PCDHAC1: variants seen among roughly 807,000 people sequenced by gnomAD.
PCDHAC1 encodes protocadherin alpha-C1.
In PCDHAC1, 42 loss-of-function variants were observed where a neutral mutation model predicts 60.0. The observed-to-expected ratio is 0.70, with a 90% confidence interval of 0.55 to 0.90. The LOEUF (loss-of-function observed/expected upper bound fraction) is 0.90. Among genes scored for constraint, PCDHAC1 ranks in the 40% least tolerant of loss-of-function variants. PCDHAC1 has a pLI of 0.00. For missense variants in PCDHAC1, 1,160 were observed against 1,222.3 expected (o/e 0.95, Z 0.76); for synonymous variants, 468 against 499.3 (o/e 0.94, Z 0.84).
chr5:141,009,948 T>C lies in PCDHAC1; in HGVS notation c.*11T>C, dbSNP rs201131092. 1 of 1,595,948 alleles carries C rather than the reference T, an allele frequency of 6.3e-7. No individual in the cohort carries two copies. The highest frequency in any genetic ancestry group is 1.4e-5 in the African/African-American group (1 of 73,610). On this transcript the variant is annotated 3_prime_UTR_variant, in exon 4 of 4. Coordinates refer to ENST00000253807, the MANE Select transcript of PCDHAC1 (RefSeq NM_018898.5). ...AACAGTGACCAGTGAGGTCCTCAAA[T>C]GGAAACAAGCCACTTAGCCAGTTTT...
At chr5:141,005,032 T>A (rs1031521338) in intron 3 of PCDHAC1, among the ~76,000 whole-genome samples, 2 of 152,228 alleles carry the variant, frequency 1.3e-5, no homozygotes, top group Non-Finnish European at 2.9e-5. Context: ...TAATTGCCCA[T>A]ATGTGATACC....
intron 3 of PCDHAC1, among the ~76,000 whole-genome samples, 189 bp from the exon 4 acceptor site, chr5:141,009,438 T>C (rs1024999058): frequency 6.6e-6 from 1 of 152,190 alleles, no homozygotes; most frequent in African/African-American, 2.4e-5. Context: ...AGGGAAATCC[T>C]GTCTCAAAAA....
chr5:140,995,685 T>C (rs951521178), intron 3 of PCDHAC1, among the ~76,000 whole-genome samples: 8 of 152,186 alleles, frequency 5.3e-5, no homozygotes, highest in African/African-American at 1.9e-4. Flanking sequence ...TTTTTTTTAA[T>C]TGTTAAATAA....
intron 1 of PCDHAC1, among the ~76,000 whole-genome samples, chr5:140,952,915 G>GGCATGA (rs2094816103): frequency 6.6e-6 from 1 of 151,986 alleles, no homozygotes; most frequent in African/African-American, 2.4e-5. Flanking sequence ...CATCTTACAT[G>GGCATGA]GCATGAGCAG....
At chr5:140,963,659 A>G (rs1474288889) in intron 1 of PCDHAC1, among the ~76,000 whole-genome samples, 3 of 152,222 alleles carry the variant, frequency 2.0e-5, no homozygotes. Context: ...TTGATTTCCT[A>G]TATGGCATAG....
intron 1 of PCDHAC1, among the ~76,000 whole-genome samples, chr5:140,941,221 TTC>T (rs1217645089): frequency 7.6e-6 from 1 of 131,640 alleles, no homozygotes; most frequent in African/African-American, 3.0e-5. Flanking sequence ...CTTCCTTTCT[TTC>T]TTTCTTTCTT....
chr5:140,958,495 C>T (rs559117374), intron 1 of PCDHAC1, among the ~76,000 whole-genome samples: 1 of 152,138 alleles, frequency 6.6e-6, no homozygotes, highest in African/African-American at 2.4e-5. Context: ...TCCACATATC[C>T]TAGGAGGCAT....
At position 140,929,324 on chromosome 5, in the gene PCDHAC1, T is replaced by C. The variant is rs781810168; in HGVS notation, c.2432T>C (p.Met811Thr). The change falls in exon 1 of 4, where the codon ATG becomes ACG. Residue 811 changes from methionine (M) to threonine (T), a missense_variant and splice_region_variant. By Grantham distance (81) the Met-to-Thr change is moderately conservative. This residue lies in a region of PCDHAC1 where 1,113 missense variants were observed against 1,163.7 expected (regional missense o/e 0.96). Coordinates refer to ENST00000253807, the MANE Select transcript of PCDHAC1 (RefSeq NM_018898.5). ...RKGDHANVNA[M>T]PRQPNPDWRY... ...GGGGATCACGCTAATGTCAATGCCA[T>C]GGTAAGCAAATTTTATGGAATTTGA... The C allele has an allele frequency of 1.2e-5, 19 of 1,540,130 alleles. No individual in the cohort carries two copies. The highest frequency in any genetic ancestry group is 3.5e-6 in the Non-Finnish European group (4 of 1,141,170).
At chr5:140,954,036 T>G (rs527853766) in intron 1 of PCDHAC1, among the ~76,000 whole-genome samples, 170 of 152,342 alleles carry the variant, frequency 1.1e-3, no homozygotes, top group African/African-American at 3.9e-3. Context: ...GATGTGGTAT[T>G]TGGTTTTCTG....
At chr5:140,960,208 C>T (rs1295278624) in intron 1 of PCDHAC1, among the ~76,000 whole-genome samples, 2 of 151,976 alleles carry the variant, frequency 1.3e-5, no homozygotes, top group Non-Finnish European at 2.9e-5. Flanking sequence ...GATGTTATTT[C>T]AGGATCTCAA....
At chr5:140,937,009 C>A (rs1409113092) in intron 1 of PCDHAC1, among the ~76,000 whole-genome samples, 11 of 151,930 alleles carry the variant, frequency 7.2e-5, no homozygotes, top group African/African-American at 1.9e-4. Context: ...AGACAGACAA[C>A]CGATTAACAA....
chr5:141,003,167 C>T (rs1160809977), intron 3 of PCDHAC1, among the ~76,000 whole-genome samples: 1 of 152,180 alleles, frequency 6.6e-6, no homozygotes, highest in Non-Finnish European at 1.5e-5. Context: ...AATCCTAGTC[C>T]CTGAGGCTCA....
chr5:141,002,442 A>G (rs1177854570), intron 3 of PCDHAC1, among the ~76,000 whole-genome samples: 3 of 152,218 alleles, frequency 2.0e-5, no homozygotes, highest in Non-Finnish European at 4.4e-5. Context: ...AACCATAATA[A>G]TTGGCACATT....
chr5:140,940,549 A>G (rs1554213474), intron 1 of PCDHAC1, among the ~76,000 whole-genome samples: 1 of 152,110 alleles, frequency 6.6e-6, no homozygotes, highest in Non-Finnish European at 1.5e-5. Context: ...CCTGGGCTCA[A>G]GTGATTCTCC....
At chr5:140,975,899 G>A (rs2096688066) in intron 1 of PCDHAC1, among the ~76,000 whole-genome samples, 1 of 152,084 alleles carries the variant, frequency 6.6e-6, no homozygotes, top group African/African-American at 2.4e-5. Context: ...ATGGAGTTTT[G>A]TGACCATTAT....
At chr5:140,968,795 A>G in intron 1 of PCDHAC1, 2 of 1,614,210 alleles carry the variant, frequency 1.2e-6, no homozygotes, top group Non-Finnish European at 1.7e-6. Context: ...TGTGGCCATT[A>G]CAGTAGCTGT....
chr5:140,962,370 T>G (rs1554225991), intron 1 of PCDHAC1, among the ~76,000 whole-genome samples: 1 of 152,214 alleles, frequency 6.6e-6, no homozygotes, highest in South Asian at 2.1e-4. Flanking sequence ...GCTAGTTTGA[T>G]TTTATCTGTT....
At chr5:140,966,360 A>T (rs1169207709) in intron 1 of PCDHAC1, 1 of 400,440 alleles carries the variant, frequency 2.5e-6, no homozygotes, top group Non-Finnish European at 4.4e-6. Flanking sequence ...ATGGGGCTGG[A>T]GAGGCTGAGC....
intron 2 of PCDHAC1, among the ~76,000 whole-genome samples, chr5:140,981,956 T>C (rs2096959461): frequency 6.6e-6 from 1 of 152,184 alleles, no homozygotes; most frequent in Non-Finnish European, 1.5e-5. Flanking sequence ...GGGTCATCTA[T>C]GCATAAAAGA....
Sources: allele counts gnomAD v4.1 joint callset (sites outside exome capture counted in the v4.1 genomes callset), GRCh38; gene constraint gnomAD v4.1.1; regional missense constraint gnomAD v4.1.1; transcripts MANE v1.5; gene names NCBI Gene and HGNC (gene_info 2026-07-23, HGNC 2026-07-21).